Variants in IP6K1 observed in about 807,000 individuals in gnomAD.
IP6K1 encodes inositol hexakisphosphate kinase 1, also known as ATP:1D-myo-inositol-hexakisphosphate phosphotransferase.
Under a neutral mutation model 38.3 loss-of-function variants are expected in IP6K1, and 13 were observed. The ratio of observed to expected loss-of-function variants is 0.34; its 90% CI spans 0.22 to 0.54. IP6K1 has a LOEUF of 0.54. Ranked by LOEUF, IP6K1 falls within the 20% of genes least tolerant of loss-of-function variation. The pLI is 0.92. For missense variants in IP6K1, 397 were observed against 599.8 expected (o/e 0.66, Z 3.53); for synonymous variants, 212 against 229.9 (o/e 0.92, Z 0.70).
At chr3:49,738,059 GAC>G (rs1225951997) in intron 3 of IP6K1, among the ~76,000 whole-genome samples, 151 bp downstream of exon 3, 1 of 152,214 alleles carries the variant, frequency 6.6e-6, no homozygotes. Flanking sequence ...GGGGTGATGT[GAC>G]ACAGAGAAGA....
At chr3:49,729,414 T>C (rs1256435390) in intron 4 of IP6K1, among the ~76,000 whole-genome samples, 1 of 138,382 alleles carries the variant, frequency 7.2e-6, no homozygotes, top group African/African-American at 2.6e-5. Context: ...ATTTTTTATT[T>C]TATTTTTTTT....
At chr3:49,764,922 C>CA (rs1198297210) in intron 1 of IP6K1, among the ~76,000 whole-genome samples, 1 of 148,468 alleles carries the variant, frequency 6.7e-6, no homozygotes, top group Non-Finnish European at 1.5e-5. Context: ...AGGATAAACT[C>CA]AAAGAGACCC....
At chr3:49,759,077 A>T (rs1384616057) in intron 1 of IP6K1, among the ~76,000 whole-genome samples, 2 of 33,436 alleles carry the variant, frequency 6.0e-5, no homozygotes, top group African/African-American at 1.5e-4. Flanking sequence ...ATAAACAATT[A>T]AAAAAAAAAT....
chr3:49,727,774 C>T lies in IP6K1; in HGVS notation c.793-119G>A, dbSNP rs2080522365. 9.7e-7 allele frequency: 1 copy of T among 1,030,604 alleles called. No homozygotes were observed. Among genetic ancestry groups the T allele is most frequent in the Non-Finnish European group, 1.4e-6 (1 of 715,914 alleles). 63.8% of individuals were successfully genotyped at this position (1,030,604 alleles called of 1,614,324 possible). A position where few individuals can be genotyped will look rare whatever the true frequency, so the allele number is the denominator to read the frequency against. ...AACCTGAGCTTTTCTGCTCACCTAT[C>T]TAAGTGGAACCAGGCAGGCCACATT... On this transcript the variant is annotated intron_variant, in intron 5 of 5. Transcript: ENST00000321599. The surrounding 1 kb of genome is among the most constrained non-coding windows in gnomAD (Gnocchi z 5.9).
intron 2 of IP6K1, 51 bp from the exon 3 acceptor site, chr3:49,738,473 A>G: frequency 4.2e-6 from 6 of 1,416,026 alleles, no homozygotes; most frequent in South Asian, 1.2e-5. Context: ...GGCCGAGTCT[A>G]TGCAGCACAG....
chr3:49,764,706 C>T (rs1305152092), intron 1 of IP6K1, among the ~76,000 whole-genome samples: 1 of 151,974 alleles, frequency 6.6e-6, no homozygotes, highest in Non-Finnish European at 1.5e-5. Context: ...TGGCACAATC[C>T]CATGTCTACT....
chr3:49,733,298 A>G (rs2080579761), intron 3 of IP6K1, among the ~76,000 whole-genome samples: 2 of 152,258 alleles, frequency 1.3e-5, no homozygotes, highest in African/African-American at 4.8e-5. Context: ...TGAAGAAATT[A>G]GAACTCTCGT....
At chr3:49,757,940 G>A (rs989223345) in intron 1 of IP6K1, among the ~76,000 whole-genome samples, 1 of 152,076 alleles carries the variant, frequency 6.6e-6, no homozygotes, top group Admixed American at 6.6e-5. Flanking sequence ...TCTAGGAAAG[G>A]TGAAGCCAAA....
chr3:49,727,034 G>T lies in IP6K1; in HGVS notation c.*88C>A. ...CAAAGAGAAATATAACCCTTTAAAA[G>T]CAAGTCTGTGTGTCCTCACGGCAAG... On this transcript the variant is annotated 3_prime_UTR_variant, in exon 6 of 6. Coordinates refer to ENST00000321599, the MANE Select transcript of IP6K1 (RefSeq NM_153273.4). The surrounding 1 kb of genome is among the most constrained non-coding windows in gnomAD (Gnocchi z 5.9). 7.7e-7 allele frequency: 1 copy of T among 1,292,368 alleles called. No homozygotes were observed. The allele number at this position is 1,292,368 out of a possible 1,614,324, so 80.1% of individuals were successfully genotyped here. A position where few individuals can be genotyped will look rare whatever the true frequency, so the allele number is the denominator to read the frequency against.
At chr3:49,763,368 G>T (rs2080883362) in intron 1 of IP6K1, among the ~76,000 whole-genome samples, 1 of 151,850 alleles carries the variant, frequency 6.6e-6, no homozygotes, top group Non-Finnish European at 1.5e-5. Flanking sequence ...GGCTCCCAAA[G>T]TGCTGGGATT....
At chr3:49,735,974 T>C (rs2080607405) in intron 3 of IP6K1, among the ~76,000 whole-genome samples, 1 of 152,192 alleles carries the variant, frequency 6.6e-6, no homozygotes, top group Non-Finnish European at 1.5e-5. Context: ...TGGAGTGCAA[T>C]GGTGTAATCT....
rs1341860897 is a variant in IP6K1 at position 49,786,376 on chromosome 3, G to T, written c.-151C>A. 2.0e-5 allele frequency: 3 copies of T among 152,180 alleles called. No homozygotes were observed. The highest frequency in any genetic ancestry group is 2.9e-5 in the Non-Finnish European group (2 of 68,046). 9.4% of individuals were successfully genotyped at this position (152,180 alleles called of 1,614,324 possible). A position where few individuals can be genotyped will look rare whatever the true frequency, so the allele number is the denominator to read the frequency against. ...CACCTGCCCGGCCCGGGCACCGAGC[G>T]CCCACGGCTCCCTACGGGAGCTGGG... On this transcript the variant is annotated 5_prime_UTR_variant, in exon 1 of 6. Transcript: ENST00000321599.
intron 1 of IP6K1, among the ~76,000 whole-genome samples, chr3:49,751,632 A>T (rs1433604856): frequency 6.6e-6 from 1 of 152,220 alleles, no homozygotes; most frequent in African/African-American, 2.4e-5. Context: ...TCAGGTAGCC[A>T]ACTGCAAAGT....
chr3:49,772,114 G>A (rs1293005145), intron 1 of IP6K1, among the ~76,000 whole-genome samples: 1 of 151,704 alleles, frequency 6.6e-6, no homozygotes, highest in Admixed American at 6.6e-5. Context: ...GGAAGCTGAG[G>A]TGGGAAGATC....
rs531081180 is a variant in IP6K1 at position 49,779,453 on chromosome 3, T to C, written c.-129+6901A>G. 2.9e-4 allele frequency among the ~76,000 whole-genome samples: 44 copies of C among 152,312 alleles called. 1 individual carries two copies. The highest frequency in any genetic ancestry group is 1.0e-3 in the African/African-American group (42 of 41,562). The stretch of plus-strand genomic sequence containing the variant: ...CATGTACAAGTTTTTGTGTGAACAT[T>C]TGTTTTCATTTCTCTTGGGTAGATA... On this transcript the variant is annotated intron_variant, in intron 1 of 5. Coordinates refer to ENST00000321599, the MANE Select transcript of IP6K1 (RefSeq NM_153273.4).
In IP6K1 at chr3:49,728,255, C is replaced by T; in HGVS notation, c.640G>A (p.Val214Met). 1 of 1,613,734 alleles carries T rather than the reference C, an allele frequency of 6.2e-7. No homozygotes were observed. The highest frequency in any genetic ancestry group is 8.5e-7 in the Non-Finnish European group (1 of 1,179,684). ...ACGCAGGGGTACTTGAAGTGGTGCA[C>T]CACGTTCTCAAGCAGGAGGAACTCT... ...LYKFLLLENV[V>M]HHFKYPCVLD... is the part of the protein sequence containing the mutation. The change falls in exon 5 of 6, where the codon GTG becomes ATG. Residue 214 changes from valine (V) to methionine (M), a missense_variant. Val to Met is a conservative substitution (Grantham distance 21). Around this residue, in one of 3 missense-constraint regions of IP6K1, gnomAD observed 62 missense variants for 149.2 expected, o/e 0.42. Coordinates refer to ENST00000321599, the MANE Select transcript of IP6K1 (RefSeq NM_153273.4).
intron 1 of IP6K1, among the ~76,000 whole-genome samples, chr3:49,753,327 A>T (rs2080795148): frequency 6.6e-6 from 1 of 152,036 alleles, no homozygotes; most frequent in Non-Finnish European, 1.5e-5. Context: ...CACCTCCTTC[A>T]AAAGTCTTTG....
chr3:49,732,856 C>A lies in IP6K1; in HGVS notation c.551G>T (p.Ser184Ile), dbSNP rs2080575389. The change falls in exon 4 of 6, where the codon AGC becomes ATC. Residue 184 changes from serine (S) to isoleucine (I), a missense_variant. Coordinates refer to ENST00000321599, the MANE Select transcript of IP6K1 (RefSeq NM_153273.4). ...SSEKISHNPW[S>I]LRCHKQQLSR... ...CAGCTGCTGCTTGTGACAACGCAGG[C>A]TCCAGGGGTTGTGGCTGATCTTCTC... The A allele has an allele frequency of 6.2e-7, 1 of 1,614,038 alleles. No homozygotes were observed. Among genetic ancestry groups the A allele is most frequent in the African/African-American group, 1.3e-5 (1 of 74,926 alleles).
intron 1 of IP6K1, among the ~76,000 whole-genome samples, chr3:49,763,127 G>T: frequency 7.8e-6 from 1 of 128,246 alleles, no homozygotes. Context: ...TTTTTGAGAC[G>T]GAGTCTCGCT....
Sources: allele counts gnomAD v4.1 joint callset (sites outside exome capture counted in the v4.1 genomes callset), GRCh38; gene constraint gnomAD v4.1.1; regional missense constraint gnomAD v4.1.1; non-coding constraint Gnocchi (gnomAD v3.1); transcripts MANE v1.5; gene names NCBI Gene and HGNC (gene_info 2026-07-23, HGNC 2026-07-21).